SBK1: variants seen among roughly 807,000 people sequenced by gnomAD.
SBK1 encodes the protein SH3 domain binding kinase 1.
Under a neutral mutation model 24.4 loss-of-function variants are expected in SBK1, and 11 were observed. The ratio of observed to expected loss-of-function variants is 0.45; its 90% CI spans 0.28 to 0.75. SBK1 has a LOEUF of 0.75. SBK1 is among the 30% of genes least tolerant of loss of function. The pLI is 0.12. For synonymous variants in SBK1, 308 were observed against 284.4 expected (o/e 1.08, Z -0.83); for missense variants, 467 against 620.5 (o/e 0.75, Z 2.63).
intron 1 of SBK1, among the ~76,000 whole-genome samples, chr16:28,266,723 T>TTTTTC (rs1193324904): frequency 7.0e-6 from 1 of 143,404 alleles, no homozygotes; most frequent in Non-Finnish European, 1.5e-5. Flanking sequence ...ATCACTTTCT[T>TTTTTC]TTTTCTTTTC....
chr16:28,304,694 G>A (rs1351102451), intron 1 of SBK1, among the ~76,000 whole-genome samples: 1 of 151,378 alleles, frequency 6.6e-6, no homozygotes, highest in Non-Finnish European at 1.5e-5. Context: ...TGCAAGCTCC[G>A]CCTCCTGGGT....
Position 28,320,210 on chromosome 16 carries a change from C to T in SBK1, c.564C>T (p.Arg188=). 6.3e-7 allele frequency: 1 copy of T among 1,594,006 alleles called. No homozygotes were observed. ...TGCTGCTGTTCGACCGCGAGTGCCG[C>T]CGCGTAAAGCTGGCCGACTTCGGCA... ...ENVLLFDREC[R]RVKLADFGMT... is the part of the protein sequence containing the mutation. Residue 188 remains arginine (R), a synonymous_variant, in exon 4 of 4, where the codon CGC becomes CGT. Transcript: ENST00000341901. The surrounding 1 kb of genome is among the most constrained non-coding windows in gnomAD (Gnocchi z 8.5).
At chr16:28,261,754 C>T (rs537336373) in intron 1 of SBK1, among the ~76,000 whole-genome samples, 1 of 152,312 alleles carries the variant, frequency 6.6e-6, no homozygotes, top group Admixed American at 6.5e-5. Flanking sequence ...TAATGTTGAT[C>T]AGTTTCCTCC....
At chr16:28,263,835 A>G (rs1302760075) in intron 1 of SBK1, among the ~76,000 whole-genome samples, 5 of 152,212 alleles carry the variant, frequency 3.3e-5, no homozygotes, top group East Asian at 1.9e-4. Flanking sequence ...TTCTGAACAT[A>G]TTTAGGAGGC....
In SBK1 at chr16:28,320,365, G is replaced by C; in HGVS notation, c.719G>C (p.Gly240Ala). ...ACGGGCGTGGACGTGTGGGCCTTCG[G>C]CGTGCTCATCTTCTGCGTGCTCACC... ...VDTGVDVWAF[G>A]VLIFCVLTGN... The change falls in exon 4 of 4, where the codon GGC becomes GCC. Residue 240 changes from glycine (G) to alanine (A), a missense_variant. This residue lies in a region of SBK1 where 92 missense variants were observed against 193.8 expected (regional missense o/e 0.47). Coordinates refer to ENST00000341901, the MANE Select transcript of SBK1 (RefSeq NM_001024401.3). This position sits in a 1 kb window ranked among gnomAD's most constrained non-coding sequence, Gnocchi z 8.5. The C allele has an allele frequency of 6.3e-7, 1 of 1,593,118 alleles. No individual in the cohort carries two copies. Among genetic ancestry groups the C allele is most frequent in the Non-Finnish European group, 8.5e-7 (1 of 1,176,228 alleles).
intron 1 of SBK1, among the ~76,000 whole-genome samples, chr16:28,312,712 C>T (rs909809236): frequency 3.3e-5 from 5 of 152,170 alleles, no homozygotes; most frequent in Admixed American, 2.0e-4. Context: ...GGAACAGGGG[C>T]AAGGAGGCCA....
chr16:28,317,231 CG>C lies in SBK1; in HGVS notation c.-7-153del, dbSNP rs1240500648. 6.6e-6 allele frequency among the ~76,000 whole-genome samples: 1 copy of C among 152,092 alleles called. No individual in the cohort carries two copies. Among genetic ancestry groups the C allele is most frequent in the Non-Finnish European group, 1.5e-5 (1 of 68,024 alleles). On this transcript the variant is annotated intron_variant, in intron 1 of 3. Coordinates refer to ENST00000341901, the MANE Select transcript of SBK1 (RefSeq NM_001024401.3). The surrounding 1 kb of genome is among the most constrained non-coding windows in gnomAD (Gnocchi z 4.2). ...GCCCCTGAGGCTTTGGGGAAGGCGA[CG>C]CGACCAAGATGCTTGTCGCCCCCTT...
chr16:28,297,130 G>A (rs1302802357), intron 1 of SBK1, among the ~76,000 whole-genome samples: 3 of 152,044 alleles, frequency 2.0e-5, no homozygotes, highest in South Asian at 2.1e-4. Flanking sequence ...AGGAGTTTGC[G>A]ACCAGCCTGG....
chr16:28,282,545 A>G (rs2044539721), intron 1 of SBK1, among the ~76,000 whole-genome samples: 1 of 152,128 alleles, frequency 6.6e-6, no homozygotes, highest in Non-Finnish European at 1.5e-5. Flanking sequence ...CTAGTCTGGG[A>G]GCTCCTGAAG....
At chr16:28,280,149 ATGTGTGTGTGTGTGTGTGTG>A (rs71380914) in intron 1 of SBK1, among the ~76,000 whole-genome samples, 4 of 39,406 alleles carry the variant, frequency 1.0e-4, no homozygotes, top group East Asian at 5.0e-4. Flanking sequence ...ATATATATAT[ATGTGTGTGTGTGTGTGTGTG>A]TGTATGTATA....
At position 28,309,313 on chromosome 16, in the gene SBK1, C is replaced by G. The variant is rs542595684; in HGVS notation, c.-7-8072C>G. On this transcript the variant is annotated intron_variant, in intron 1 of 3. Transcript: ENST00000341901. ...GTGGGGAGCCAGTCACATGGCTGGC[C>G]TGGATGCAAGGGAGGCAACGTGGTT... 3.3e-5 allele frequency among the ~76,000 whole-genome samples: 5 copies of G among 152,306 alleles called. No individual in the cohort carries two copies. The East Asian group carries it at 9.7e-4, about 29-fold the overall frequency.
rs1372703496 is a variant in SBK1, at chr16:28,292,623, CG to C, written c.-680del. 2.0e-6 allele frequency: 2 copies of C among 980,634 alleles called. No individual in the cohort carries two copies. Among genetic ancestry groups the C allele is most frequent in the African/African-American group, 3.6e-5 (2 of 56,146 alleles). 60.7% of individuals were successfully genotyped at this position (980,634 alleles called of 1,614,324 possible). A position where few individuals can be genotyped will look rare whatever the true frequency, so the allele number is the denominator to read the frequency against. On this transcript the variant is annotated 5_prime_UTR_variant, in exon 1 of 4. An upstream open reading frame in the 5' UTR loses its in-frame stop. Coordinates refer to ENST00000341901, the MANE Select transcript of SBK1 (RefSeq NM_001024401.3). ...GCCGCAGCCGGAGCCCGGGCCAGGC[CG>C]GGGGCCGGGAGCGCAGGGCCGGGCT...
At chr16:28,263,156 A>C (rs2044407529) in intron 1 of SBK1, among the ~76,000 whole-genome samples, 1 of 152,202 alleles carries the variant, frequency 6.6e-6, no homozygotes, top group Non-Finnish European at 1.5e-5. Flanking sequence ...CCAGTACATA[A>C]TAGATGCCCA....
intron 1 of SBK1, among the ~76,000 whole-genome samples, chr16:28,310,082 G>A (rs964216714): frequency 6.6e-5 from 10 of 152,340 alleles, no homozygotes; most frequent in African/African-American, 2.4e-4. Flanking sequence ...CTCCCAGCTT[G>A]TGGCAGAGCC....
intron 1 of SBK1, among the ~76,000 whole-genome samples, chr16:28,271,663 T>A (rs1407756332): frequency 6.6e-6 from 1 of 151,826 alleles, no homozygotes; most frequent in Non-Finnish European, 1.5e-5. Context: ...AGAGAAGAGA[T>A]CTCTTCAAGG....
chr16:28,295,921 T>TC (rs1491489800), intron 1 of SBK1, among the ~76,000 whole-genome samples: 2 of 126,600 alleles, frequency 1.6e-5, no homozygotes, highest in Non-Finnish European at 3.3e-5. Context: ...CAGAAAAATC[T>TC]TTTTTTTTTT....
chr16:28,281,684 G>A (rs775196276), intron 1 of SBK1, among the ~76,000 whole-genome samples: 16 of 152,196 alleles, frequency 1.1e-4, no homozygotes, highest in Non-Finnish European at 2.1e-4. Context: ...GATGATGATA[G>A]CGTCCACACC....
In SBK1 at chr16:28,317,369, CA is replaced by C. The variant is rs775039051; in HGVS notation, c.-7-15del. 6.3e-7 allele frequency: 1 copy of C among 1,599,292 alleles called. No homozygotes were observed. Among genetic ancestry groups the C allele is most frequent in the South Asian group, 1.1e-5 (1 of 90,710 alleles). On this transcript the variant is annotated splice_polypyrimidine_tract_variant and intron_variant, in intron 1 of 3. Transcript: ENST00000341901. This position sits in a 1 kb window ranked among gnomAD's most constrained non-coding sequence, Gnocchi z 4.2. ...GCCTGATGTCACACTTCATGCTCACCACCCCTACCCAACAGGGAGAAGATGA... is the reference window on the plus strand; with the variant it reads ...GCCTGATGTCACACTTCATGCTCACCCCCCTACCCAACAGGGAGAAGATGA...
intron 1 of SBK1, among the ~76,000 whole-genome samples, chr16:28,277,911 G>T (rs1357119658): frequency 6.6e-6 from 1 of 152,252 alleles, no homozygotes; most frequent in African/African-American, 2.4e-5. Context: ...GCCGGCAAGC[G>T]GCGGATTCCG....
Sources: allele counts gnomAD v4.1 joint callset (sites outside exome capture counted in the v4.1 genomes callset), GRCh38; gene constraint gnomAD v4.1.1; regional missense constraint gnomAD v4.1.1; non-coding constraint Gnocchi (gnomAD v3.1); transcripts MANE v1.5; gene names NCBI Gene and HGNC (gene_info 2026-07-23, HGNC 2026-07-21).